The following PCED1B variants were observed in gnomAD, a reference collection of about 807,000 sequenced individuals.
PCED1B encodes the protein PC-esterase domain containing 1B.
For missense variants in PCED1B, 573 were observed against 573.9 expected (o/e 1.00, Z 0.02); for synonymous variants, 251 against 246.1 (o/e 1.02, Z -0.19).
intron 2 of PCED1B, among the ~76,000 whole-genome samples, chr12:47,187,323 G>C (rs1218680394): frequency 1.3e-5 from 2 of 152,160 alleles, no homozygotes; most frequent in Non-Finnish European, 2.9e-5. Flanking sequence ...GGTAAATGTA[G>C]TGAAAAGGAA....
At position 47,216,371 on chromosome 12, in the gene PCED1B, T is replaced by C. The variant is rs762233611; in HGVS notation, c.-376T>C. 4 of 152,238 alleles carry C rather than the reference T, an allele frequency of 2.6e-5. No individual in the cohort carries two copies. The highest frequency in any genetic ancestry group is 5.9e-5 in the Non-Finnish European group (4 of 68,044). 9.4% of individuals were successfully genotyped at this position (152,238 alleles called of 1,614,324 possible). On this transcript the variant is annotated 5_prime_UTR_variant, in exon 3 of 4. Coordinates refer to ENST00000546455, the MANE Select transcript of PCED1B (RefSeq NM_138371.3). ...CCAAATTCCAGGAAGATGCTGTCTT[T>C]GTATTGACTTACCATTTCATGTTTT... is the stretch of plus-strand genomic sequence containing the variant.
chr12:47,233,984 G>GT (rs1943892403), intron 3 of PCED1B, among the ~76,000 whole-genome samples: 4 of 151,398 alleles, frequency 2.6e-5, no homozygotes, highest in African/African-American at 7.3e-5. Context: ...TTTTTGTTTT[G>GT]TTTTTTGTTT....
At chr12:47,178,736 G>A (rs1034585006) in intron 2 of PCED1B, among the ~76,000 whole-genome samples, 3 of 151,816 alleles carry the variant, frequency 2.0e-5, no homozygotes, top group Non-Finnish European at 4.4e-5. Flanking sequence ...GCATGGTGGT[G>A]AGCACCTGTA....
chr12:47,120,338 CAA>C (rs1330755882), intron 2 of PCED1B, among the ~76,000 whole-genome samples: 1 of 151,856 alleles, frequency 6.6e-6, no homozygotes, highest in Non-Finnish European at 1.5e-5. Flanking sequence ...GGTATATACT[CAA>C]GAGAAGTGAA....
At chr12:47,128,927 A>G (rs17097628) in intron 2 of PCED1B, among the ~76,000 whole-genome samples, 4,527 of 152,288 alleles carry the variant, frequency 0.03, 178 homozygotes, top group African/African-American at 0.087. Flanking sequence ...GAAAGTGCGG[A>G]AGTGCAGAAA....
chr12:47,115,974 A>G (rs955909309), intron 2 of PCED1B, among the ~76,000 whole-genome samples: 5 of 152,248 alleles, frequency 3.3e-5, no homozygotes, highest in Non-Finnish European at 4.4e-5. Context: ...TTAGCTCACT[A>G]GAAATCTATG....
At chr12:47,197,415 T>C (rs989132641) in intron 2 of PCED1B, among the ~76,000 whole-genome samples, 2 of 151,660 alleles carry the variant, frequency 1.3e-5, no homozygotes, top group Non-Finnish European at 2.9e-5. Flanking sequence ...GAGACCAGCC[T>C]GGCCAACATG....
chr12:47,196,439 C>A (rs897573360), intron 2 of PCED1B, among the ~76,000 whole-genome samples: 1 of 152,186 alleles, frequency 6.6e-6, no homozygotes, highest in African/African-American at 2.4e-5. Context: ...CTATATGTTG[C>A]CTGACATACA....
intron 2 of PCED1B, among the ~76,000 whole-genome samples, chr12:47,137,705 G>A (rs1287682661): frequency 2.7e-5 from 4 of 147,806 alleles, no homozygotes; most frequent in South Asian, 2.2e-4. Flanking sequence ...TCCAGCCTGG[G>A]TGACAGGGTG....
rs559546332 is a variant in PCED1B at position 47,134,963 on chromosome 12, C to A, written c.-526+30768C>A. On this transcript the variant is annotated intron_variant, in intron 2 of 3. Transcript: ENST00000546455. ...CAGAACAGAGCTCACACTATATATACCCCTTCACTCATTTTTTAACTTATT... is the reference window on the plus strand; with the variant it reads ...CAGAACAGAGCTCACACTATATATAACCCTTCACTCATTTTTTAACTTATT... Among the ~76,000 whole-genome samples, 5 of 152,214 alleles carry A rather than the reference C, an allele frequency of 3.3e-5. No homozygotes were observed. In the East Asian group the frequency reaches 9.6e-4, roughly 29 times the overall value.
At chr12:47,184,939 G>C (rs972574091) in intron 2 of PCED1B, among the ~76,000 whole-genome samples, 3 of 152,176 alleles carry the variant, frequency 2.0e-5, no homozygotes, top group Non-Finnish European at 4.4e-5. Context: ...TTCTTACCTA[G>C]CAAGAGGTCT....
intron 1 of PCED1B, among the ~76,000 whole-genome samples, chr12:47,089,327 G>A (rs1472715450): frequency 6.6e-6 from 1 of 150,910 alleles, no homozygotes; most frequent in Admixed American, 6.6e-5. Flanking sequence ...GGCACCTGTA[G>A]TCCCAGCTAC....
At chr12:47,138,880 C>T (rs1404019783) in intron 2 of PCED1B, among the ~76,000 whole-genome samples, 1 of 152,180 alleles carries the variant, frequency 6.6e-6, no homozygotes, top group Non-Finnish European at 1.5e-5. Context: ...TGAAAAATTT[C>T]CAATAGACTG....
rs79751054 is a variant in PCED1B, at chr12:47,133,489, G to A, written c.-526+29294G>A. The stretch of plus-strand genomic sequence containing the variant: ...ATAGGAGTGGAGCAAGGTAGGGATG[G>A]GGGGTACATCATGCCCGTGAGACTT... On this transcript the variant is annotated intron_variant, in intron 2 of 3. Transcript: ENST00000546455. 8.1e-3 allele frequency among the ~76,000 whole-genome samples: 1,233 copies of A among 152,210 alleles called. 16 individuals are homozygous for A. Among genetic ancestry groups the A allele is most frequent in the African/African-American group, 0.028 (1,145 of 41,518 alleles).
intron 2 of PCED1B, among the ~76,000 whole-genome samples, chr12:47,127,369 C>CTTTTTTTTTTTTTTTTTTTTTTTTATTTT: frequency 7.8e-6 from 1 of 128,874 alleles, no homozygotes; most frequent in Non-Finnish European, 1.6e-5. Context: ...TTTTTTATTT[C>CTTTTTTTTTTTTTTTTTTTTTTTTATTTT]TTTTTTTTTT....
intron 1 of PCED1B, among the ~76,000 whole-genome samples, chr12:47,097,440 G>A (rs886159739): frequency 2.0e-5 from 3 of 152,174 alleles, no homozygotes; most frequent in Non-Finnish European, 4.4e-5. Context: ...ACGCCTAAGG[G>A]AAGAAGGGAA....
intron 2 of PCED1B, among the ~76,000 whole-genome samples, chr12:47,141,149 T>G (rs1206340633): frequency 6.6e-6 from 1 of 152,160 alleles, no homozygotes; most frequent in East Asian, 1.9e-4. Context: ...CCGCTTAATT[T>G]GCTCCTCACT....
At chr12:47,148,685 T>A (rs917311651) in intron 2 of PCED1B, among the ~76,000 whole-genome samples, 3 of 152,208 alleles carry the variant, frequency 2.0e-5, no homozygotes, top group African/African-American at 7.2e-5. Flanking sequence ...TTTTCAATAC[T>A]TTGTCCAGTT....
intron 3 of PCED1B, among the ~76,000 whole-genome samples, chr12:47,226,164 C>T (rs1943625533): frequency 6.6e-6 from 1 of 152,144 alleles, no homozygotes; most frequent in Non-Finnish European, 1.5e-5. Flanking sequence ...CATGGAACTA[C>T]TTATAACTAT....
Sources: allele counts gnomAD v4.1 joint callset (sites outside exome capture counted in the v4.1 genomes callset), GRCh38; gene constraint gnomAD v4.1.1; transcripts MANE v1.5; gene names NCBI Gene and HGNC (gene_info 2026-07-23, HGNC 2026-07-21).